CGGBP1: variants seen among roughly 807,000 people sequenced by gnomAD.
CGGBP1 encodes the protein CGG triplet repeat-binding protein 1.
Under a neutral mutation model 11.4 loss-of-function variants are expected in CGGBP1, and 4 were observed. That is an observed-to-expected ratio of 0.35 (90% CI 0.17 to 0.80). The LOEUF is 0.80. CGGBP1 is among the 30% of genes least tolerant of loss of function. The pLI is 0.52. For missense variants in CGGBP1, 135 were observed against 202.1 expected (o/e 0.67, Z 2.01); for synonymous variants, 76 against 74.1 (o/e 1.03, Z -0.13).
At chr3:88,124,682 ACTG>A (rs1475163969) in intron 2 of CGGBP1, among the ~76,000 whole-genome samples, 1 of 152,100 alleles carries the variant, frequency 6.6e-6, no homozygotes, top group Non-Finnish European at 1.5e-5. Flanking sequence ...TTGCTTTATA[ACTG>A]CTACTACGTT....
rs564256144 is a variant in CGGBP1 at position 88,064,553 on chromosome 3, A to G, written c.-228-6330T>C. ...TCTTTTGGAGGTATGTGGTACCTCA[A>G]ATTCCTGAGATGTTCTGGGGTTCTG... On this transcript the variant is annotated intron_variant, in intron 2 of 3. Transcript: ENST00000462901. 6.2e-4 allele frequency among the ~76,000 whole-genome samples: 95 copies of G among 152,222 alleles called. 1 individual carries two copies. Among genetic ancestry groups the G allele is most frequent in the African/African-American group, 2.2e-3 (92 of 41,540 alleles).
chr3:88,077,525 C>T (rs1210791111), intron 2 of CGGBP1, among the ~76,000 whole-genome samples: 3 of 151,736 alleles, frequency 2.0e-5, no homozygotes, highest in East Asian at 1.9e-4. Context: ...TTAGTAGAGA[C>T]GGGGTTTCCC....
At chr3:88,110,082 A>G (rs1479412975) in intron 2 of CGGBP1, among the ~76,000 whole-genome samples, 3 of 152,172 alleles carry the variant, frequency 2.0e-5, no homozygotes, top group Non-Finnish European at 4.4e-5. Context: ...CATGTTAATA[A>G]ATAATGGTTG....
rs374155460 is a variant in CGGBP1 at position 88,053,789 on chromosome 3, TTA to T, written c.*1682_*1683del. Reference sequence around the variant, plus strand: ...GGAAGTAAACGCAAAACACATATGGTTATGTTTTGCTGCTGGTCTCCTCATAC... The same window carrying T: ...GGAAGTAAACGCAAAACACATATGGTTGTTTTGCTGCTGGTCTCCTCATAC... On this transcript the variant is annotated 3_prime_UTR_variant, in exon 4 of 4. Coordinates refer to ENST00000482016, the MANE Select transcript of CGGBP1 (RefSeq NM_001008390.2). 1.1e-4 allele frequency: 17 copies of T among 152,710 alleles called. No homozygotes were observed. Among genetic ancestry groups the T allele is most frequent in the East Asian group, 9.6e-4 (5 of 5,196 alleles). The allele number at this position is 152,710 out of a possible 1,614,324, so 9.5% of individuals were successfully genotyped here.
chr3:88,104,348 CTAGA>C (rs1704609708), intron 2 of CGGBP1, among the ~76,000 whole-genome samples: 1 of 152,082 alleles, frequency 6.6e-6, no homozygotes, highest in Non-Finnish European at 1.5e-5. Context: ...TTTAAAAGGG[CTAGA>C]TATTTTAGAC....
At chr3:88,131,459 G>A (rs1271588465) in intron 2 of CGGBP1, among the ~76,000 whole-genome samples, 1 of 152,062 alleles carries the variant, frequency 6.6e-6, no homozygotes, top group Non-Finnish European at 1.5e-5. Context: ...TTTAAACAGG[G>A]TATCTTTAGT....
intron 1 of CGGBP1, among the ~76,000 whole-genome samples, chr3:88,147,114 T>C (rs1707326829): frequency 6.6e-6 from 1 of 152,198 alleles, no homozygotes; most frequent in Non-Finnish European, 1.5e-5. Flanking sequence ...ATTGGATACC[T>C]ACCATGTGCG....
chr3:88,090,818 C>A (rs1576250376), intron 2 of CGGBP1, among the ~76,000 whole-genome samples: 1 of 152,068 alleles, frequency 6.6e-6, no homozygotes, highest in Non-Finnish European at 1.5e-5. Context: ...ATTGTCTTGG[C>A]CCATACATAA....
At chr3:88,084,293 G>T (rs939501978) in intron 2 of CGGBP1, among the ~76,000 whole-genome samples, 1 of 152,168 alleles carries the variant, frequency 6.6e-6, no homozygotes, top group Non-Finnish European at 1.5e-5. Flanking sequence ...AGATAAGGTT[G>T]CAAGTAAACA....
At chr3:88,127,704 G>GT (rs1204848369) in intron 2 of CGGBP1, among the ~76,000 whole-genome samples, 1 of 152,128 alleles carries the variant, frequency 6.6e-6, no homozygotes, top group Non-Finnish European at 1.5e-5. Context: ...CCTGTTGTTC[G>GT]TTCGTCTGAG....
intron 2 of CGGBP1, among the ~76,000 whole-genome samples, chr3:88,081,696 T>G (rs1708084990): frequency 1.3e-5 from 2 of 152,220 alleles, no homozygotes. Context: ...TCCTGTTGTT[T>G]TTCACAGCAT....
chr3:88,117,896 T>A (rs748376413), intron 2 of CGGBP1, among the ~76,000 whole-genome samples: 4 of 151,834 alleles, frequency 2.6e-5, no homozygotes, highest in Non-Finnish European at 5.9e-5. Flanking sequence ...CTAGACACAC[T>A]GAGTTTTAAA....
intron 2 of CGGBP1, among the ~76,000 whole-genome samples, chr3:88,097,869 A>C (rs1704159747): frequency 6.6e-6 from 1 of 152,224 alleles, no homozygotes; most frequent in Non-Finnish European, 1.5e-5. Context: ...AAATGCCCAC[A>C]AGAGAAAGCA....
intron 2 of CGGBP1, among the ~76,000 whole-genome samples, chr3:88,126,857 A>G (rs939815850): frequency 2.0e-5 from 3 of 152,142 alleles, no homozygotes; most frequent in African/African-American, 7.2e-5. Context: ...GTATTTCCCA[A>G]ACTTCATGCA....
intron 2 of CGGBP1, among the ~76,000 whole-genome samples, chr3:88,126,807 T>C (rs1401652688): frequency 6.6e-6 from 1 of 152,140 alleles, no homozygotes; most frequent in African/African-American, 2.4e-5. Flanking sequence ...TGTGAGTGAA[T>C]AAGTGACTAA....
chr3:88,097,362 GT>G (rs762086335), intron 2 of CGGBP1, among the ~76,000 whole-genome samples: 181 of 143,728 alleles, frequency 1.3e-3, no homozygotes, highest in African/African-American at 2.4e-3. Flanking sequence ...TTTGTCAACA[GT>G]TTTTTTTTTT....
At chr3:88,117,878 G>A (rs1441634835) in intron 2 of CGGBP1, among the ~76,000 whole-genome samples, 1 of 151,486 alleles carries the variant, frequency 6.6e-6, no homozygotes, top group Admixed American at 6.6e-5. Context: ...AAGTTGTTAA[G>A]TTTCATTCTA....
chr3:88,069,566 A>G (rs1429036756), intron 2 of CGGBP1, among the ~76,000 whole-genome samples: 2 of 152,216 alleles, frequency 1.3e-5, no homozygotes, highest in Non-Finnish European at 1.5e-5. Flanking sequence ...AAACAGGACA[A>G]TGTTTGCTTA....
intron 1 of CGGBP1, chr3:88,143,656 C>G (rs1707229501): frequency 6.6e-6 from 1 of 152,232 alleles, no homozygotes; most frequent in South Asian, 2.1e-4. Context: ...TTTTACTGTT[C>G]ATGCCAAGAT....
Sources: allele counts gnomAD v4.1 joint callset (sites outside exome capture counted in the v4.1 genomes callset), GRCh38; gene constraint gnomAD v4.1.1; transcripts MANE v1.5; gene names NCBI Gene and HGNC (gene_info 2026-07-23, HGNC 2026-07-21).